The following FAM20C variants were observed in gnomAD, a reference collection of about 807,000 sequenced individuals.
FAM20C encodes extracellular serine/threonine protein kinase FAM20C.
A neutral mutation model predicts 51.5 loss-of-function variants in FAM20C; 40 were observed. The observed-to-expected ratio is 0.78, with a 90% CI of 0.60 to 1.01. FAM20C has a LOEUF of 1.01. FAM20C is among the 50% of genes least tolerant of loss of function. The pLI is 0.00. For synonymous variants in FAM20C, 406 were observed against 380.6 expected, an observed-to-expected ratio of 1.07 and a Z score of -0.78; for missense variants, 861 against 844.7, an observed-to-expected ratio of 1.02 and a Z score of -0.24.
rs551141647 is a variant in FAM20C, at chr7:258,823, C to T, written c.1505+118C>T. ...CCATCACATGGGAGAGAAAAGGCCC[C>T]GAATTCAACCACAGCCCTGAATTCA... On this transcript the variant is annotated intron_variant, in intron 9 of 9. Transcript: ENST00000313766. 29 of 1,021,974 alleles carry T rather than the reference C, an allele frequency of 2.8e-5. 1 individual carries two copies. The highest frequency in any genetic ancestry group is 2.7e-4 in the South Asian group (16 of 58,490). The allele number at this position is 1,021,974 out of a possible 1,614,324, so 63.3% of individuals were successfully genotyped here. A position where few individuals can be genotyped will look rare whatever the true frequency, so the allele number is the denominator to read the frequency against.
chr7:203,682 A>G (rs1583283582), intron 2 of FAM20C, among the ~76,000 whole-genome samples: 1 of 152,220 alleles, frequency 6.6e-6, no homozygotes, highest in Non-Finnish European at 1.5e-5. Flanking sequence ...TCATGCCTTT[A>G]ATTTCTAATT....
chr7:203,719 G>C (rs923925757), intron 2 of FAM20C, among the ~76,000 whole-genome samples: 1 of 152,202 alleles, frequency 6.6e-6, no homozygotes, highest in Non-Finnish European at 1.5e-5. Context: ...GGGAGGAGCT[G>C]GCCTCACAGC....
chr7:252,524 G>T (rs1482795592), intron 5 of FAM20C, among the ~76,000 whole-genome samples: 1 of 151,690 alleles, frequency 6.6e-6, no homozygotes, highest in Non-Finnish European at 1.5e-5. Flanking sequence ...AGCCCTGCTG[G>T]AGCCCAGAGC....
rs141734520 is a variant in FAM20C at position 254,943 on chromosome 7, C to T, written c.1073-906C>T. ...TTCCTCTTCTTGTTTCATTTCGTTT[C>T]GTGTCATCGCACGGATGGACCATGT... On this transcript the variant is annotated intron_variant, in intron 5 of 9. Coordinates refer to ENST00000313766, the MANE Select transcript of FAM20C (RefSeq NM_020223.4). Among the ~76,000 whole-genome samples the T allele has an allele frequency of 9.5e-3, 1,445 of 152,320 alleles. 37 individuals carry two copies. Among genetic ancestry groups the T allele is most frequent in the East Asian group, 0.061 (317 of 5,186 alleles).
Position 230,372 on chromosome 7 carries a change from T to TGGGGGGGG in FAM20C, c.864-16037_864-16030dup, listed in dbSNP as rs58866144. Reference sequence around the variant, plus strand: ...TGCATTTCTTGTCCCCAGGACGGGGTGGGGGGGGGGGGGAACAGATCCCCG... The same window carrying TGGGGGGGG: ...TGCATTTCTTGTCCCCAGGACGGGGTGGGGGGGGGGGGGGGGGGGGGAACAGATCCCCG... On this transcript the variant is annotated intron_variant, in intron 3 of 9. Transcript: ENST00000313766. Among the ~76,000 whole-genome samples, 7 of 7,466 alleles carry TGGGGGGGG rather than the reference T, an allele frequency of 9.4e-4. 1 individual carries two copies. Among genetic ancestry groups the TGGGGGGGG allele is most frequent in the Non-Finnish European group, 2.0e-3 (6 of 3,028 alleles). The allele number at this position is 7,466 out of a possible 152,430, so 4.9% of individuals were successfully genotyped here.
chr7:200,382 T>G (rs1383686034), intron 2 of FAM20C, among the ~76,000 whole-genome samples: 3 of 152,230 alleles, frequency 2.0e-5, no homozygotes, highest in African/African-American at 7.2e-5. Context: ...AATGACCACC[T>G]GCAAAGGACG....
intron 6 of FAM20C, 148 bp downstream of exon 6, chr7:256,177 C>T: frequency 9.7e-7 from 1 of 1,028,938 alleles, no homozygotes; most frequent in South Asian, 1.7e-5. Flanking sequence ...GAGATGACCG[C>T]TTCCTGATGA....
chr7:217,032 C>G (rs1295480882), intron 3 of FAM20C, among the ~76,000 whole-genome samples: 2 of 152,158 alleles, frequency 1.3e-5, no homozygotes, highest in South Asian at 4.1e-4. Context: ...TCATGTCTGA[C>G]TGGCTTCCTA....
chr7:225,927 G>A (rs1350060521), intron 3 of FAM20C, among the ~76,000 whole-genome samples: 2 of 106,762 alleles, frequency 1.9e-5, no homozygotes, highest in South Asian at 6.6e-4. Flanking sequence ...GGGGTCGCAC[G>A]GCGGCTGTCC....
At chr7:213,019 TTCATAAG>T (rs1786793702) in intron 3 of FAM20C, among the ~76,000 whole-genome samples, 2 of 152,228 alleles carry the variant, frequency 1.3e-5, no homozygotes, top group Admixed American at 6.5e-5. Context: ...CTTCTTGATA[TTCATAAG>T]TTACTTATTC....
chr7:219,487 G>A lies in FAM20C; in HGVS notation c.863+10511G>A, dbSNP rs1787154890. On this transcript the variant is annotated intron_variant, in intron 3 of 9. Transcript: ENST00000313766. ...AGGGCTGTCGGCGGGGTCTGAGGGAGGCGCGTTCCCTCTCAGAGTGGGGGC... is the reference window on the plus strand; with the variant it reads ...AGGGCTGTCGGCGGGGTCTGAGGGAAGCGCGTTCCCTCTCAGAGTGGGGGC... 3.3e-5 allele frequency among the ~76,000 whole-genome samples: 5 copies of A among 152,202 alleles called. No homozygotes were observed. In the South Asian group the frequency reaches 1.0e-3, roughly 31 times the overall value.
At chr7:222,076 GCAGGAGCCGTT>G (rs1787253270) in intron 3 of FAM20C, among the ~76,000 whole-genome samples, 1 of 104,832 alleles carries the variant, frequency 9.5e-6, no homozygotes, top group Non-Finnish European at 2.2e-5. Flanking sequence ...GCAGGGGGCT[GCAGGAGCCGTT>G]CTTAGCATCT....
intron 3 of FAM20C, among the ~76,000 whole-genome samples, chr7:234,189 G>A (rs1049962572): frequency 3.3e-5 from 5 of 152,232 alleles, no homozygotes; most frequent in African/African-American, 4.8e-5. Flanking sequence ...TCCCGGGCTC[G>A]GCCGCCAGGA....
chr7:226,864 T>C (rs968942241), intron 3 of FAM20C, among the ~76,000 whole-genome samples: 30 of 152,172 alleles, frequency 2.0e-4, no homozygotes, highest in Admixed American at 6.5e-5. Flanking sequence ...GCAGAGAATC[T>C]GACAGGGAAA....
chr7:251,888 C>A (rs2115161278), intron 5 of FAM20C, among the ~76,000 whole-genome samples: 1 of 152,296 alleles, frequency 6.6e-6, no homozygotes, highest in South Asian at 2.1e-4. Context: ...CAGACGAGTC[C>A]TTGAATCTCC....
Position 259,770 on chromosome 7 carries a change from C to T in FAM20C, c.1545C>T (p.Ala515=), listed in dbSNP as rs1323461602. 6.5e-7 allele frequency: 1 copy of T among 1,536,686 alleles called. No homozygotes were observed. Among genetic ancestry groups the T allele is most frequent in the East Asian group, 2.4e-5 (1 of 40,912 alleles). The part of the protein sequence containing the change: ...KSTYLRLQLL[A]KEEYKLSLLM... ...CCTACCTGCGTCTGCAGCTCCTGGC[C>T]AAGGAGGAGTACAAGCTGAGCCTGC... Residue 515 remains alanine, a synonymous_variant, in exon 10 of 10, where the codon GCC becomes GCT. Transcript: ENST00000313766.
intron 3 of FAM20C, among the ~76,000 whole-genome samples, chr7:226,461 C>T (rs1015838909): frequency 4.6e-5 from 7 of 152,166 alleles, no homozygotes; most frequent in African/African-American, 7.2e-5. Flanking sequence ...CAGCCAAGGA[C>T]GAGGGCCCAA....
At chr7:216,664 A>T (rs1323919581) in intron 3 of FAM20C, among the ~76,000 whole-genome samples, 2 of 132,922 alleles carry the variant, frequency 1.5e-5, no homozygotes, top group South Asian at 2.4e-4. Flanking sequence ...TGTGTGTGTG[A>T]GAGACAGAGT....
intron 3 of FAM20C, among the ~76,000 whole-genome samples, chr7:236,824 G>A (rs1022201133): frequency 8.0e-5 from 12 of 150,608 alleles, no homozygotes; most frequent in Non-Finnish European, 1.3e-4. Flanking sequence ...GGTTATGGTC[G>A]GGGTTTCATG....
Sources: allele counts gnomAD v4.1 joint callset (sites outside exome capture counted in the v4.1 genomes callset), GRCh38; gene constraint gnomAD v4.1.1; transcripts MANE v1.5; gene names NCBI Gene and HGNC (gene_info 2026-07-23, HGNC 2026-07-21).